SPATS1: variants seen among roughly 807,000 people sequenced by gnomAD.
SPATS1 encodes the protein spermatogenesis associated serine rich 1.
In SPATS1, 23 loss-of-function variants were observed where a neutral mutation model predicts 33.6. The observed-to-expected ratio is 0.68, with a 90% CI of 0.49 to 0.97. SPATS1 has a LOEUF of 0.97. Among genes scored for constraint, SPATS1 ranks in the 50% least tolerant of loss-of-function variants. The pLI is 0.00. For synonymous variants in SPATS1, 131 were observed against 125.6 expected (o/e 1.04, Z -0.29); for missense variants, 327 against 361.0 (o/e 0.91, Z 0.76).
intron 2 of SPATS1, among the ~76,000 whole-genome samples, chr6:44,345,743 A>G (rs1039768605): frequency 2.6e-5 from 4 of 152,210 alleles, no homozygotes; most frequent in African/African-American, 4.8e-5. Context: ...ATGTGAATCC[A>G]TTCTACATCT....
rs1583092806 is a variant in SPATS1 at position 44,368,723 on chromosome 6, G to C, written c.695+224G>C. On this transcript the variant is annotated intron_variant, in intron 6 of 8. Coordinates refer to ENST00000674044, the MANE Select transcript of SPATS1 (RefSeq NM_001372081.1). ...CTACAAAAAAGTGGTTGTTAATTTT[G>C]TTCCTATCTCTATTATCACAGATTT... is the stretch of plus-strand genomic sequence containing the variant. Among the ~76,000 whole-genome samples the C allele has an allele frequency of 2.6e-5, 4 of 152,146 alleles. No homozygotes were observed. The Middle Eastern group carries it at 0.014, about 518-fold the overall frequency.
chr6:44,365,172 A>C (rs1353409662), intron 5 of SPATS1, among the ~76,000 whole-genome samples: 1 of 152,230 alleles, frequency 6.6e-6, no homozygotes, highest in African/African-American at 2.4e-5. Context: ...AATGCAACGC[A>C]TTATTATATC....
At chr6:44,347,695 G>C (rs147124497) in intron 2 of SPATS1, among the ~76,000 whole-genome samples, 78 of 152,164 alleles carry the variant, frequency 5.1e-4, no homozygotes, top group African/African-American at 1.7e-3. Flanking sequence ...TATTCCAAAT[G>C]GTTAATTAGT....
intron 5 of SPATS1, 122 bp downstream of exon 5, chr6:44,362,114 A>T: frequency 8.0e-7 from 1 of 1,247,406 alleles, no homozygotes; most frequent in Non-Finnish European, 1.1e-6. Flanking sequence ...CCCCTAGTGC[A>T]GCCAGGAAGA....
At chr6:44,345,241 C>T (rs1202123336) in intron 2 of SPATS1, among the ~76,000 whole-genome samples, 1 of 152,062 alleles carries the variant, frequency 6.6e-6, no homozygotes, top group Non-Finnish European at 1.5e-5. Flanking sequence ...GAGTTACTCT[C>T]AGGAAGATGC....
Position 44,378,169 on chromosome 6 carries a change from T to C in SPATS1, c.*1106T>C, listed in dbSNP as rs1193493973. 4 of 152,102 alleles carry C rather than the reference T, an allele frequency of 2.6e-5. No homozygotes were observed. Among genetic ancestry groups the C allele is most frequent in the Admixed American group, 2.0e-4 (3 of 15,264 alleles). The allele number at this position is 152,102 out of a possible 1,614,324, so 9.4% of individuals were successfully genotyped here. A position where few individuals can be genotyped will look rare whatever the true frequency, so the allele number is the denominator to read the frequency against. ...GCTCAGTGACCACCAGTCATGAGTT[T>C]TAGGGCCTCCTGTCAATCAGACAAG... On this transcript the variant is annotated 3_prime_UTR_variant, in exon 9 of 9. Coordinates refer to ENST00000674044, the MANE Select transcript of SPATS1 (RefSeq NM_001372081.1).
chr6:44,367,303 G>A (rs1457687437), intron 5 of SPATS1, among the ~76,000 whole-genome samples: 1 of 152,114 alleles, frequency 6.6e-6, no homozygotes. Flanking sequence ...GGCCAGGCTG[G>A]TCTAGAACTC....
At chr6:44,353,894 AGGTGTGGT>A (rs1314127827) in intron 3 of SPATS1, among the ~76,000 whole-genome samples, 1 of 151,974 alleles carries the variant, frequency 6.6e-6, no homozygotes, top group African/African-American at 2.4e-5. Flanking sequence ...AAAATTAGCC[AGGTGTGGT>A]GGTGGGTGCC....
rs1207860760 is a variant in SPATS1, at chr6:44,360,451, C to T, written c.293C>T (p.Thr98Ile). 1.2e-6 allele frequency: 2 copies of T among 1,614,190 alleles called. No homozygotes were observed. The highest frequency in any genetic ancestry group is 3.3e-5 in the Admixed American group (2 of 60,032). The change falls in exon 4 of 9, where the codon ACT (threonine) becomes ATT (isoleucine). Residue 98 changes from threonine to isoleucine, a missense_variant. Thr to Ile is a moderately conservative substitution (Grantham distance 89). Transcript: ENST00000674044. ...LPRVSAYVDT[T>I]ADLDRKLSFS... ...TCCTTCTGCTTTCTTTCCAGCACCA[C>T]TGCTGACTTGGATCGGAAACTCTCC...
chr6:44,351,713 ACACT>A (rs1788256363), intron 2 of SPATS1, among the ~76,000 whole-genome samples: 2 of 152,202 alleles, frequency 1.3e-5, no homozygotes, highest in South Asian at 4.1e-4. Flanking sequence ...TCTATGTCTG[ACACT>A]CACTGGTTTT....
chr6:44,369,878 T>TGCATA (rs1789493139), intron 6 of SPATS1, among the ~76,000 whole-genome samples, 173 bp from the exon 7 acceptor site: 1 of 55,714 alleles, frequency 1.8e-5, no homozygotes, highest in Non-Finnish European at 3.8e-5. Flanking sequence ...TCTCAAAACA[T>TGCATA]ACATAAAATA....
intron 2 of SPATS1, among the ~76,000 whole-genome samples, chr6:44,344,415 G>C (rs1158826089): frequency 6.6e-6 from 1 of 151,918 alleles, no homozygotes; most frequent in Non-Finnish European, 1.5e-5. Context: ...GTGTGTGTGT[G>C]TGTGTGTGCA....
intron 2 of SPATS1, among the ~76,000 whole-genome samples, chr6:44,344,526 T>C (rs1261988632): frequency 6.6e-6 from 1 of 152,076 alleles, no homozygotes; most frequent in East Asian, 1.9e-4. Flanking sequence ...CTTAGGCCCC[T>C]TGTGAAGCAG....
At position 44,377,314 on chromosome 6, in the gene SPATS1, C is replaced by T; in HGVS notation, c.*251C>T. On this transcript the variant is annotated 3_prime_UTR_variant, in exon 9 of 9. Transcript: ENST00000674044. ...GTTAATATTTGTTCAAACTTTCTCT[C>T]TCTCACAATATTACAGTTACCATTT... 3.6e-6 allele frequency: 2 copies of T among 560,170 alleles called. No homozygotes were observed. Among genetic ancestry groups the T allele is most frequent in the Non-Finnish European group, 6.4e-6 (2 of 314,038 alleles). 34.7% of individuals were successfully genotyped at this position (560,170 alleles called of 1,614,324 possible).
At chr6:44,358,149 G>C (rs1788700947) in intron 3 of SPATS1, among the ~76,000 whole-genome samples, 1 of 152,108 alleles carries the variant, frequency 6.6e-6, no homozygotes, top group Non-Finnish European at 1.5e-5. Context: ...TGAGTTATTG[G>C]TCCTACCTAC....
chr6:44,365,775 T>C (rs974577611), intron 5 of SPATS1, among the ~76,000 whole-genome samples: 2 of 152,228 alleles, frequency 1.3e-5, no homozygotes, highest in East Asian at 3.8e-4. Flanking sequence ...TGTCTCTAAA[T>C]GTATGTTTCC....
At chr6:44,365,601 G>C (rs55724584) in intron 5 of SPATS1, among the ~76,000 whole-genome samples, 2,447 of 152,242 alleles carry the variant, frequency 0.016, 38 homozygotes, top group Non-Finnish European at 0.025. Context: ...ATGCTGGAAG[G>C]TTTTTCACAT....
At position 44,377,030 on chromosome 6, in the gene SPATS1, C is replaced by G; in HGVS notation, c.875-5C>G. 3 of 1,614,174 alleles carry G rather than the reference C, an allele frequency of 1.9e-6. No homozygotes were observed. Among genetic ancestry groups the G allele is most frequent in the Non-Finnish European group, 2.5e-6 (3 of 1,180,022 alleles). ...AAACCTGTAACTCCATGCCTCTATC[C>G]ACAGGTGCTTTGGACTTTCCAAGAC... On this transcript the variant is annotated splice_region_variant and splice_polypyrimidine_tract_variant and intron_variant, in intron 8 of 8. Transcript: ENST00000674044.
intron 7 of SPATS1, among the ~76,000 whole-genome samples, chr6:44,372,820 G>A (rs147279054): frequency 6.6e-6 from 1 of 152,318 alleles, no homozygotes; most frequent in East Asian, 1.9e-4. Flanking sequence ...GTCACTTGCA[G>A]TTTGGTTTGA....
Sources: gnomAD v4.1 joint callset for allele counts (sites outside exome capture counted in the v4.1 genomes callset) on GRCh38, gnomAD v4.1.1 for gene constraint, MANE v1.5 for transcripts, NCBI Gene and HGNC (gene_info 2026-07-23, HGNC 2026-07-21) for gene names.